The following SH3KBP1 variants were observed in gnomAD, a reference collection of about 807,000 sequenced individuals.
SH3KBP1 encodes SH3 domain-containing kinase-binding protein 1.
In SH3KBP1, 8 loss-of-function variants were observed where a neutral mutation model predicts 50.1. That is an observed-to-expected ratio of 0.16 (90% CI 0.09 to 0.29). SH3KBP1 has a LOEUF of 0.29. Ranked by LOEUF, SH3KBP1 falls within the 10% of genes least tolerant of loss-of-function variation. SH3KBP1 has a pLI of 1.00. For missense variants in SH3KBP1, 377 were observed against 535.2 expected (o/e 0.70, Z 2.92); for synonymous variants, 227 against 218.6 (o/e 1.04, Z -0.34).
chrX:19,806,534 T>C (rs2147261673), intron 2 of SH3KBP1, among the ~76,000 whole-genome samples: 1 of 110,813 alleles, frequency 9.0e-6, no homozygotes, highest in South Asian at 3.9e-4. Flanking sequence ...AACAACCCAC[T>C]AGACTGGTAC....
chrX:19,548,845 G>A (rs987479031), intron 14 of SH3KBP1, among the ~76,000 whole-genome samples: 12 of 110,366 alleles, frequency 1.1e-4, no homozygotes. Context: ...GAGAGAGAGA[G>A]AAATCGAACT....
intron 6 of SH3KBP1, among the ~76,000 whole-genome samples, chrX:19,657,045 G>A (rs1054412602): frequency 9.0e-6 from 1 of 111,473 alleles, no homozygotes; most frequent in African/African-American, 3.3e-5. Context: ...CAGAAAAGAG[G>A]TAAATGCCTG....
intron 2 of SH3KBP1, among the ~76,000 whole-genome samples, chrX:19,821,594 T>C (rs764314479): frequency 1.8e-3 from 202 of 110,988 alleles, no homozygotes; most frequent in Non-Finnish European, 2.4e-3. Context: ...AGTGGCATGA[T>C]CTCGGATCAC....
chrX:19,538,350 G>C (rs1022447364), intron 16 of SH3KBP1, among the ~76,000 whole-genome samples: 2 of 108,604 alleles, frequency 1.8e-5, no homozygotes, highest in South Asian at 4.0e-4. Context: ...GACTACAAGC[G>C]CACACCACCA....
Position 19,555,263 on chromosome X carries a change from C to T in SH3KBP1, c.1385-5180G>A, listed in dbSNP as rs186883788. On this transcript the variant is annotated intron_variant, in intron 13 of 17. Transcript: ENST00000397821. The stretch of plus-strand genomic sequence containing the variant: ...GGACAACAAACTCTCTGCAGACATA[C>T]GGGGATAATTCATGTTGGGCACGAT... Among the ~76,000 whole-genome samples, 8 of 112,229 alleles carry T rather than the reference C, an allele frequency of 7.1e-5. No homozygotes were observed. In the East Asian group the frequency reaches 1.4e-3, roughly 20 times the overall value.
intron 3 of SH3KBP1, 190 bp from the exon 4 acceptor site, chrX:19,707,174 CTT>C: frequency 1.9e-6 from 1 of 534,819 alleles, no homozygotes; most frequent in Admixed American, 2.3e-5. Context: ...GCTTCTTGGT[CTT>C]TTAAAAGCTG....
At chrX:19,823,418 C>T (rs991872889) in intron 2 of SH3KBP1, among the ~76,000 whole-genome samples, 4 of 111,939 alleles carry the variant, frequency 3.6e-5, no homozygotes, top group African/African-American at 6.5e-5. Context: ...CAGCACCTTG[C>T]GGCCGTAGGT....
At chrX:19,760,051 T>TCTCTCTCTCTCC (rs1569459490) in intron 2 of SH3KBP1, among the ~76,000 whole-genome samples, 4 of 90,966 alleles carry the variant, frequency 4.4e-5, no homozygotes, top group African/African-American at 1.9e-4. Context: ...CCTCTCTCTC[T>TCTCTCTCTCTCC]CTCTCTCTCT....
At chrX:19,781,235 A>C (rs2147116776) in intron 2 of SH3KBP1, among the ~76,000 whole-genome samples, 1 of 111,583 alleles carries the variant, frequency 9.0e-6, no homozygotes, top group Admixed American at 9.6e-5. Context: ...GATCTTGCTA[A>C]ACTGCAGATT....
intron 2 of SH3KBP1, among the ~76,000 whole-genome samples, chrX:19,811,322 CTA>C (rs2067201174): frequency 8.9e-6 from 1 of 112,130 alleles, no homozygotes; most frequent in African/African-American, 3.3e-5. Context: ...TACAATATGA[CTA>C]CAGGCTTAGC....
chrX:19,671,371 A>AACACACAC (rs745414505), intron 6 of SH3KBP1, among the ~76,000 whole-genome samples: 3,960 of 101,847 alleles, frequency 0.039, 236 homozygotes, highest in African/African-American at 0.14. Flanking sequence ...ATTACTCATA[A>AACACACAC]ACACACACAC....
intron 3 of SH3KBP1, among the ~76,000 whole-genome samples, chrX:19,733,491 T>C (rs1271980423): frequency 9.1e-6 from 1 of 110,379 alleles, no homozygotes. Flanking sequence ...CCTGGAAAAG[T>C]GGCTATTTCA....
chrX:19,718,088 A>C (rs1787522641), intron 3 of SH3KBP1, among the ~76,000 whole-genome samples: 2 of 108,992 alleles, frequency 1.8e-5, no homozygotes, highest in African/African-American at 6.7e-5. Flanking sequence ...TCCATAGTAC[A>C]CTAAAAGACT....
intron 4 of SH3KBP1, among the ~76,000 whole-genome samples, chrX:19,699,844 T>C (rs1038943894): frequency 8.9e-6 from 1 of 111,859 alleles, no homozygotes; most frequent in Non-Finnish European, 1.9e-5. Flanking sequence ...ACTGAAAAGA[T>C]GGCGTGCTCC....
At chrX:19,666,615 A>T (rs1851041802) in intron 6 of SH3KBP1, among the ~76,000 whole-genome samples, 1 of 111,798 alleles carries the variant, frequency 8.9e-6, no homozygotes, top group Admixed American at 9.5e-5. Context: ...AGGCAACATG[A>T]ACACCAACTC....
At chrX:19,685,672 A>T (rs1325698051) in intron 5 of SH3KBP1, among the ~76,000 whole-genome samples, 1 of 111,957 alleles carries the variant, frequency 8.9e-6, no homozygotes, top group African/African-American at 3.2e-5. Flanking sequence ...TGCTGGAGAT[A>T]TAATTTTGGA....
rs1434934226 is a variant in SH3KBP1 at position 19,535,099 on chromosome X, C to A, written c.*1318G>T. The A allele has an allele frequency of 3.4e-6, 1 of 291,415 alleles. No homozygotes were observed. Among genetic ancestry groups the A allele is most frequent in the African/African-American group, 2.8e-5 (1 of 36,300 alleles). 24.0% of individuals were successfully genotyped at this position (291,415 alleles called of 1,213,427 possible). A position where few individuals can be genotyped will look rare whatever the true frequency, so the allele number is the denominator to read the frequency against. ...CCACCCCTACCCCTGAACAGTCTCG[C>A]AATACAGTAGGCCCCTCATTTTCAG... On this transcript the variant is annotated 3_prime_UTR_variant, in exon 18 of 18. Transcript: ENST00000397821.
Position 19,601,199 on chromosome X carries a change from A to G in SH3KBP1, c.1006-6199T>C, listed in dbSNP as rs184777408. Among the ~76,000 whole-genome samples, 298 of 111,602 alleles carry G rather than the reference A, an allele frequency of 2.7e-3. 1 individual carries two copies. Among genetic ancestry groups the G allele is most frequent in the African/African-American group, 9.2e-3 (282 of 30,732 alleles). ...AAGACATGCAGACACCATCCTTCAA[A>G]GGATATATTAGCTAGATTTGATTTT... is the stretch of plus-strand genomic sequence containing the variant. On this transcript the variant is annotated intron_variant, in intron 9 of 17. Coordinates refer to ENST00000397821, the MANE Select transcript of SH3KBP1 (RefSeq NM_031892.3).
At chrX:19,598,552 G>A (rs772006041) in intron 9 of SH3KBP1, among the ~76,000 whole-genome samples, 1 of 111,875 alleles carries the variant, frequency 8.9e-6, no homozygotes, top group South Asian at 3.7e-4. Flanking sequence ...TCTTCACTAA[G>A]CTCGATCATT....
Sources: gnomAD v4.1 joint callset for allele counts (sites outside exome capture counted in the v4.1 genomes callset) on GRCh38, gnomAD v4.1.1 for gene constraint, MANE v1.5 for transcripts, NCBI Gene and HGNC (gene_info 2026-07-23, HGNC 2026-07-21) for gene names.